The following ACACA variants were observed in gnomAD, a reference collection of about 807,000 sequenced individuals.
ACACA encodes acetyl-CoA carboxylase 1.
Under a neutral mutation model 296.1 loss-of-function variants are expected in ACACA, and 103 were observed. The ratio of observed to expected loss-of-function variants is 0.35; its 90% CI spans 0.30 to 0.41. ACACA has a LOEUF of 0.41. ACACA is among the 10% of genes least tolerant of loss of function. ACACA has a pLI of 1.00. For synonymous variants in ACACA, 953 were observed against 1,038.6 expected (o/e 0.92, Z 1.58); for missense variants, 1,554 against 2,989.7 (o/e 0.52, Z 11.20).
chr17:37,267,548 C>A (rs1598358415), intron 10 of ACACA, among the ~76,000 whole-genome samples: 1 of 152,128 alleles, frequency 6.6e-6, no homozygotes, highest in Non-Finnish European at 1.5e-5. Context: ...TCCTTCTGAT[C>A]TACTCACCAG....
chr17:37,342,436 A>AATATATATATAT (rs1295176626), intron 1 of ACACA, among the ~76,000 whole-genome samples: 17 of 58,214 alleles, frequency 2.9e-4, no homozygotes, highest in Admixed American at 3.6e-4. Flanking sequence ...AAAAAAAAAA[A>AATATATATATAT]ATATATATAT....
chr17:37,174,968 G>A (rs1044331881), intron 41 of ACACA, among the ~76,000 whole-genome samples: 3 of 151,942 alleles, frequency 2.0e-5, no homozygotes, highest in East Asian at 1.9e-4. Flanking sequence ...ATACAACATC[G>A]CAACATCGTC....
intron 1 of ACACA, among the ~76,000 whole-genome samples, chr17:37,404,394 AT>A (rs949400719): frequency 6.6e-6 from 1 of 151,962 alleles, no homozygotes; most frequent in African/African-American, 2.4e-5. Context: ...GCAATTTAAA[AT>A]TTTTTTAGAG....
At chr17:37,293,907 T>G (rs1353532112) in intron 3 of ACACA, among the ~76,000 whole-genome samples, 1 of 152,234 alleles carries the variant, frequency 6.6e-6, no homozygotes, top group Admixed American at 6.5e-5. Context: ...AATTCTTTCA[T>G]GTTTAACGGT....
At chr17:37,269,337 T>C in intron 10 of ACACA, among the ~76,000 whole-genome samples, 1 of 152,154 alleles carries the variant, frequency 6.6e-6, no homozygotes, top group Non-Finnish European at 1.5e-5. Context: ...AATAAGGTTA[T>C]GTCCCAATAA....
intron 27 of ACACA, 135 bp from the exon 28 acceptor site, chr17:37,223,736 C>A: frequency 1.4e-6 from 1 of 698,676 alleles, no homozygotes; most frequent in South Asian, 1.5e-5. Flanking sequence ...TGTGCCTCAG[C>A]TTCCTGAGCT....
chr17:37,240,576 GA>G lies in ACACA; in HGVS notation c.3033-13del, dbSNP rs1197797604. On this transcript the variant is annotated splice_polypyrimidine_tract_variant and intron_variant, in intron 23 of 55. Coordinates refer to ENST00000616317, the MANE Select transcript of ACACA (RefSeq NM_198834.3). ...TGCCACTTCGGTACCTAGGCAAATA[GA>G]AAGTCTCCACTGAAAAACCTGACAA... 1 of 1,608,624 alleles carries G rather than the reference GA, an allele frequency of 6.2e-7. No individual in the cohort carries two copies. Among genetic ancestry groups the G allele is most frequent in the Middle Eastern group, 1.7e-4 (1 of 6,056 alleles).
rs1456494197 is a variant in ACACA at position 37,245,094 on chromosome 17, TG to T, written c.2580del (p.Ser861AlafsTer40). The T allele has an allele frequency of 6.2e-7, 1 of 1,614,214 alleles. No homozygotes were observed. On this transcript the variant is annotated frameshift_variant, in exon 20 of 56. Transcript: ENST00000616317. LOFTEE classifies it high-confidence loss of function. Reference protein sequence around the residue: ...CVLAKMQLDNPSKVQQAELHT... With the variant: ...CVLAKMQLDNXSKVQQAELHT... ...TTCCTACTCACCTGCTGAACCTTGC[TG>T]GGGTTGTCCAGTTGCATTTTGGCTA...
At chr17:37,387,686 T>A (rs139875184) in intron 1 of ACACA, 1 of 152,084 alleles carries the variant, frequency 6.6e-6, no homozygotes, top group Non-Finnish European at 1.5e-5. Flanking sequence ...CCTCAAGTGA[T>A]CTACCCACCT....
intron 52 of ACACA, among the ~76,000 whole-genome samples, chr17:37,104,943 C>CA (rs1555546814): frequency 3.3e-5 from 2 of 60,006 alleles, no homozygotes; most frequent in Non-Finnish European, 2.5e-5. Flanking sequence ...TGTCTCTGAC[C>CA]GAAAAAAAAA....
intron 11 of ACACA, 120 bp downstream of exon 11, chr17:37,263,565 T>C: frequency 2.2e-6 from 2 of 898,964 alleles, no homozygotes; most frequent in South Asian, 3.0e-5. Flanking sequence ...GAAAAGGATA[T>C]AATTTTATTA....
In ACACA at chr17:37,250,034, C is replaced by A. The variant is rs139369253; in HGVS notation, c.2082-1360G>T. Among the ~76,000 whole-genome samples the A allele has an allele frequency of 3.3e-5, 5 of 152,202 alleles. No individual in the cohort carries two copies. In the East Asian group the frequency reaches 9.6e-4, roughly 29 times the overall value. Reference sequence around the variant, plus strand: ...AAGATGTGTCTTTGCTCTTCCTTTGCCTTCCGCCATGATTGTGAGGCCTCC... The same window carrying A: ...AAGATGTGTCTTTGCTCTTCCTTTGACTTCCGCCATGATTGTGAGGCCTCC... On this transcript the variant is annotated intron_variant, in intron 16 of 55. Transcript: ENST00000616317.
At chr17:37,284,809 A>C in intron 4 of ACACA, 29 bp downstream of exon 4, 1 of 1,614,078 alleles carries the variant, frequency 6.2e-7, no homozygotes, top group South Asian at 1.1e-5. Flanking sequence ...AGTGCTTTTG[A>C]CAAAATAATT....
At chr17:37,259,121 T>C (rs1252996305) in intron 12 of ACACA, among the ~76,000 whole-genome samples, 1 of 152,232 alleles carries the variant, frequency 6.6e-6, no homozygotes, top group Non-Finnish European at 1.5e-5. Context: ...TTAACATTTA[T>C]TTCTAAAACA....
chr17:37,260,249 C>CATATATATATATATATAT (rs1172232844), intron 11 of ACACA, among the ~76,000 whole-genome samples: 1 of 30,500 alleles, frequency 3.3e-5, no homozygotes, highest in Non-Finnish European at 5.4e-5. Context: ...ACTCCCAAGT[C>CATATATATATATATATAT]ATATATATAT....
At chr17:37,286,802 T>A (rs1020285044) in intron 3 of ACACA, among the ~76,000 whole-genome samples, 2 of 152,166 alleles carry the variant, frequency 1.3e-5, no homozygotes, top group Non-Finnish European at 2.9e-5. Flanking sequence ...CCAAAGCTTA[T>A]GCCCAGAGGT....
At chr17:37,162,176 C>G in intron 41 of ACACA, 126 bp from the exon 42 acceptor site, 1 of 1,010,686 alleles carries the variant, frequency 9.9e-7, no homozygotes, top group Non-Finnish European at 1.5e-6. Flanking sequence ...TGCTAAAGAG[C>G]CAAACTCCCT....
chr17:37,257,571 C>T, intron 14 of ACACA, 132 bp downstream of exon 14: 1 of 840,010 alleles, frequency 1.2e-6, no homozygotes. Context: ...TAAAGATATT[C>T]AAAATTTCTT....
At chr17:37,287,966 T>A (rs936030704) in intron 3 of ACACA, among the ~76,000 whole-genome samples, 5 of 152,154 alleles carry the variant, frequency 3.3e-5, no homozygotes, top group Admixed American at 3.3e-4. Context: ...TTATACTGCA[T>A]CTGGACTGGA....
Sources: gnomAD v4.1 joint callset for allele counts (sites outside exome capture counted in the v4.1 genomes callset) on GRCh38, gnomAD v4.1.1 for gene constraint, MANE v1.5 for transcripts, NCBI Gene and HGNC (gene_info 2026-07-23, HGNC 2026-07-21) for gene names.